IQCF3: variants seen among roughly 807,000 people sequenced by gnomAD.
IQCF3 encodes IQ motif containing F3, also known as IQ domain-containing protein F3.
In IQCF3, 7 loss-of-function variants were observed where a neutral mutation model predicts 5.1. That is an observed-to-expected ratio of 1.36 (90% CI 0.78 to 2.56). IQCF3 has a LOEUF of 2.56. IQCF3 is among the 30% of genes most tolerant of loss of function. The probability of loss-of-function intolerance (pLI) is 0.00; values close to 1 mark genes in which losing one functional copy is unlikely to be tolerated. For missense variants in IQCF3, 189 were observed against 196.5 expected (o/e 0.96, Z 0.23); for synonymous variants, 82 against 72.8 (o/e 1.13, Z -0.64).
At chr3:51,829,834 T>C (rs1237036459) in intron 2 of IQCF3, 122 bp downstream of exon 2, 1 of 969,860 alleles carries the variant, frequency 1.0e-6, no homozygotes, top group African/African-American at 1.6e-5. Flanking sequence ...GCCCTCCCTC[T>C]CCTTGGTGAA....
upstream of IQCF3, chr3:51,826,992 T>TA (rs1698292850): frequency 6.6e-6 from 1 of 152,444 alleles, no homozygotes; most frequent in Non-Finnish European, 1.5e-5. Flanking sequence ...GGGGTGAGGG[T>TA]ACCCCAGAAG....
upstream of IQCF3, chr3:51,829,273 G>C (rs1372852304): frequency 4.9e-6 from 3 of 610,740 alleles, no homozygotes; most frequent in Non-Finnish European, 9.0e-6. Flanking sequence ...TTCCTCAACA[G>C]AGAGTTGCCC....
At chr3:51,827,838 A>G (rs983241978), upstream of IQCF3, among the ~76,000 whole-genome samples, 1 of 151,978 alleles carries the variant, frequency 6.6e-6, no homozygotes, top group Non-Finnish European at 1.5e-5. Context: ...AATGGTCCCC[A>G]GTGTCTGTTG....
At chr3:51,829,258 A>T, upstream of IQCF3, 1 of 593,458 alleles carries the variant, frequency 1.7e-6, no homozygotes, top group Non-Finnish European at 3.1e-6. Context: ...ATATTTGCAC[A>T]ATTTTTCCTC....
Position 51,830,446 on chromosome 3 carries a change from C to A in IQCF3, c.110C>A (p.Ala37Asp). 1 of 1,583,074 alleles carries A rather than the reference C, an allele frequency of 6.3e-7. No individual in the cohort carries two copies. The highest frequency in any genetic ancestry group is 8.6e-7 in the Non-Finnish European group (1 of 1,166,844). ...QLHHRKRVKA[A>D]GQIQAWWRGV... ...CATCACAGAAAAAGGGTGAAGGCAG[C>A]TGGGCAGATCCAGGCCTGGTGGCGT... Residue 37 changes from alanine to aspartate, a missense_variant, in exon 3 of 3, where the codon GCT (alanine) becomes GAT (aspartate). Physicochemically the swap from Ala to Asp is moderately radical, Grantham distance 126. Transcript: ENST00000440739. This position sits in a 1 kb window ranked among gnomAD's most constrained non-coding sequence, Gnocchi z 4.1.
chr3:51,828,718 A>G (rs1208303191), upstream of IQCF3: 1 of 152,172 alleles, frequency 6.6e-6, no homozygotes, highest in Non-Finnish European at 1.5e-5. Flanking sequence ...ATTTTTTGGA[A>G]TAGTTTCAGT....
At chr3:51,829,361 G>C, upstream of IQCF3, 1 of 1,201,930 alleles carries the variant, frequency 8.3e-7, no homozygotes, top group Non-Finnish European at 1.2e-6. Flanking sequence ...GTGGCCCCTG[G>C]TCATAGTTGC....
At position 51,830,607 on chromosome 3, in the gene IQCF3, C is replaced by G. The variant is rs770889592; in HGVS notation, c.271C>G (p.Gln91Glu). ...ALLRVYVIQE[Q>E]ATVKLQSCIR... ...GTTGAGGGTCTACGTCATCCAGGAG[C>G]AGGCGACGGTCAAGCTCCAGTCCTG... The change falls in exon 3 of 3, where the codon CAG (glutamine) becomes GAG (glutamate). Residue 91 changes from glutamine to glutamate, a missense_variant. By Grantham distance (29) the Gln-to-Glu change is conservative (BLOSUM62 2). Transcript: ENST00000440739. The surrounding 1 kb of genome is among the most constrained non-coding windows in gnomAD (Gnocchi z 4.1). 1.2e-6 allele frequency: 2 copies of G among 1,613,890 alleles called. No individual in the cohort carries two copies.
At chr3:51,827,965 A>G (rs1698310432), upstream of IQCF3, among the ~76,000 whole-genome samples, 1 of 152,170 alleles carries the variant, frequency 6.6e-6, no homozygotes. Flanking sequence ...AGTCCTGGAC[A>G]GCCTGCAGAA....
upstream of IQCF3, among the ~76,000 whole-genome samples, chr3:51,827,731 G>A (rs1225781854): frequency 1.3e-5 from 2 of 151,898 alleles, no homozygotes; most frequent in Non-Finnish European, 2.9e-5. Context: ...CGTGTCATAG[G>A]GGTTTGTTGT....
upstream of IQCF3, chr3:51,828,206 A>G (rs1402314356): frequency 6.6e-6 from 1 of 151,990 alleles, no homozygotes; most frequent in African/African-American, 2.4e-5. Flanking sequence ...TTCCAATACC[A>G]TGTTGAATAG....
chr3:51,827,593 C>T (rs929060684), upstream of IQCF3, among the ~76,000 whole-genome samples: 2 of 151,404 alleles, frequency 1.3e-5, no homozygotes, highest in Admixed American at 6.6e-5. Flanking sequence ...ATTAATTTAT[C>T]ATTGTAAGTT....
upstream of IQCF3, among the ~76,000 whole-genome samples, chr3:51,827,786 T>C (rs1204183420): frequency 6.6e-6 from 1 of 152,174 alleles, no homozygotes; most frequent in African/African-American, 2.4e-5. Context: ...TACTCAATAG[T>C]TACTTTTCTG....
upstream of IQCF3, chr3:51,828,345 C>G (rs1698317442): frequency 6.6e-6 from 1 of 152,112 alleles, no homozygotes; most frequent in South Asian, 2.1e-4. Flanking sequence ...AGGTTATGTC[C>G]CTTCAGTACC....
In IQCF3 at chr3:51,830,833, A is replaced by G. The variant is rs9866552; in HGVS notation, c.*32A>G. On this transcript the variant is annotated 3_prime_UTR_variant, in exon 3 of 3. Coordinates refer to ENST00000440739, the MANE Select transcript of IQCF3 (RefSeq NM_001393887.1). The surrounding 1 kb of genome is among the most constrained non-coding windows in gnomAD (Gnocchi z 4.1). ...TGGGGCATGGAGAACAGGCTGCACTACCCTAATAAATGTCTGACCAGGTTG... is the reference window on the plus strand; with the variant it reads ...TGGGGCATGGAGAACAGGCTGCACTGCCCTAATAAATGTCTGACCAGGTTG... 66,601 of 1,524,694 alleles carry G rather than the reference A, an allele frequency of 0.044. 8,237 individuals are homozygous for G. In the African/African-American group the frequency reaches 0.45, roughly 10 times the overall value. 94.4% of individuals were successfully genotyped at this position (1,524,694 alleles called of 1,614,324 possible). A position where few individuals can be genotyped will look rare whatever the true frequency, so the allele number is the denominator to read the frequency against.
chr3:51,830,499 G>C lies in IQCF3; in HGVS notation c.163G>C (p.Val55Leu). 2 of 1,613,922 alleles carry C rather than the reference G, an allele frequency of 1.2e-6. No homozygotes were observed. Among genetic ancestry groups the C allele is most frequent in the Non-Finnish European group, 1.7e-6 (2 of 1,179,842 alleles). The change falls in exon 3 of 3, where the codon GTT becomes CTT. Residue 55 changes from valine to leucine, a missense_variant. Transcript: ENST00000440739. This position sits in a 1 kb window ranked among gnomAD's most constrained non-coding sequence, Gnocchi z 4.1. ...GGTCCTGGTGCGCAGGACCCTGCTGGTTGCTGCCCTCAGGGCCTGGATGAT... is the reference window on the plus strand; with the variant it reads ...GGTCCTGGTGCGCAGGACCCTGCTGCTTGCTGCCCTCAGGGCCTGGATGAT... ...RGVLVRRTLL[V>L]AALRAWMIQC...
At chr3:51,827,491 CCTT>C (rs1415239744), upstream of IQCF3, 1 of 151,462 alleles carries the variant, frequency 6.6e-6, no homozygotes, top group Non-Finnish European at 1.5e-5. Context: ...TGCATACTGT[CCTT>C]TTTTATTAAT....
At chr3:51,829,577 G>T in intron 1 of IQCF3, 84 bp downstream of exon 1, 1 of 1,592,220 alleles carries the variant, frequency 6.3e-7, no homozygotes, top group Non-Finnish European at 8.6e-7. Flanking sequence ...TTAGGACCCA[G>T]GCAAAGAATG....
rs749884592 is a variant in IQCF3, at chr3:51,830,569, G to A, written c.233G>A (p.Arg78Gln). 3.1e-5 allele frequency: 50 copies of A among 1,613,984 alleles called. No homozygotes were observed. The highest frequency in any genetic ancestry group is 1.1e-4 in the South Asian group (10 of 91,076). ...TTGGTGCAGAGACGGATCCGTCAGC[G>A]GCGGCAGGCCCTGTTGAGGGTCTAC... ...RTLVQRRIRQ[R>Q]RQALLRVYVI... is the part of the protein sequence containing the mutation. Residue 78 changes from arginine to glutamine, a missense_variant, in exon 3 of 3, where the codon CGG becomes CAG. By Grantham distance (43) the Arg-to-Gln change is conservative. Coordinates refer to ENST00000440739, the MANE Select transcript of IQCF3 (RefSeq NM_001393887.1). The surrounding 1 kb of genome is among the most constrained non-coding windows in gnomAD (Gnocchi z 4.1).
Sources: gnomAD v4.1 joint callset for allele counts (sites outside exome capture counted in the v4.1 genomes callset) on GRCh38, gnomAD v4.1.1 for gene constraint, Gnocchi (gnomAD v3.1) non-coding constraint, MANE v1.5 for transcripts, NCBI Gene and HGNC (gene_info 2026-07-23, HGNC 2026-07-21) for gene names.